Variants in PTPRM observed in about 807,000 individuals in gnomAD.
PTPRM encodes protein tyrosine phosphatase receptor type M, also known as receptor-type tyrosine-protein phosphatase mu.
In PTPRM, 47 loss-of-function variants were observed where a neutral mutation model predicts 186.7. The observed-to-expected ratio is 0.25, with a 90% CI of 0.20 to 0.32. The LOEUF (loss-of-function observed/expected upper bound fraction) is 0.32, where lower values mean the gene tolerates loss of function less well. Ranked by LOEUF, PTPRM falls within the 10% of genes least tolerant of loss-of-function variation. The pLI is 1.00. For missense variants in PTPRM, 1,494 were observed against 1,865.0 expected (o/e 0.80, Z 3.66); for synonymous variants, 668 against 674.9 (o/e 0.99, Z 0.16).
intron 7 of PTPRM, among the ~76,000 whole-genome samples, chr18:8,048,501 A>T (rs2087229783): frequency 6.6e-6 from 1 of 152,004 alleles, no homozygotes; most frequent in South Asian, 2.1e-4. Context: ...GCTTCCCTGG[A>T]AGATTAGCAG....
chr18:7,956,139 G>A (rs549381652), intron 7 of PTPRM, among the ~76,000 whole-genome samples: 1 of 152,264 alleles, frequency 6.6e-6, no homozygotes, highest in South Asian at 2.1e-4. Flanking sequence ...AGTATATTGG[G>A]ATATTTAAGT....
At chr18:7,894,940 C>A (rs992916461) in intron 3 of PTPRM, among the ~76,000 whole-genome samples, 1 of 152,122 alleles carries the variant, frequency 6.6e-6, no homozygotes, top group African/African-American at 2.4e-5. Flanking sequence ...ATACTTCATG[C>A]AGTACTTTAT....
intron 19 of PTPRM, among the ~76,000 whole-genome samples, chr18:8,272,801 T>TA (rs1302367655): frequency 5.9e-5 from 9 of 152,152 alleles, no homozygotes; most frequent in Non-Finnish European, 1.3e-4. Context: ...TTTGTTCACA[T>TA]TTTCTGTATA....
chr18:7,696,272 C>A (rs2039841606), intron 1 of PTPRM, among the ~76,000 whole-genome samples: 1 of 151,956 alleles, frequency 6.6e-6, no homozygotes, highest in African/African-American at 2.4e-5. Flanking sequence ...AATCTTTTTG[C>A]AAATTAGGCC....
At chr18:7,634,123 A>G (rs2038256215) in intron 1 of PTPRM, among the ~76,000 whole-genome samples, 1 of 151,892 alleles carries the variant, frequency 6.6e-6, no homozygotes, top group Admixed American at 6.6e-5. Flanking sequence ...TGCTCCTCAA[A>G]CACTCAAGCA....
intron 7 of PTPRM, among the ~76,000 whole-genome samples, chr18:7,985,302 ATAG>A (rs2082873400): frequency 9.6e-6 from 1 of 103,660 alleles, no homozygotes; most frequent in South Asian, 2.9e-4. Flanking sequence ...TATACATATA[ATAG>A]TATATACACA....
intron 1 of PTPRM, among the ~76,000 whole-genome samples, chr18:7,738,596 C>T (rs35631124): frequency 0.036 from 4,800 of 133,064 alleles, 195 homozygotes; most frequent in African/African-American, 0.1. Flanking sequence ...CCACCACACC[C>T]GGCTATTTTT....
At chr18:8,161,045 T>G (rs143549690) in intron 14 of PTPRM, among the ~76,000 whole-genome samples, 2 of 152,190 alleles carry the variant, frequency 1.3e-5, no homozygotes, top group African/African-American at 4.8e-5. Flanking sequence ...TCTAAAGATA[T>G]GTTCAGCTAT....
At chr18:7,765,736 AT>A (rs1455279812) in intron 1 of PTPRM, among the ~76,000 whole-genome samples, 1 of 152,156 alleles carries the variant, frequency 6.6e-6, no homozygotes, top group African/African-American at 2.4e-5. Context: ...CTGTAGCACT[AT>A]TTTTTGATCT....
At chr18:7,808,259 G>A (rs1452803494) in intron 2 of PTPRM, among the ~76,000 whole-genome samples, 1 of 152,208 alleles carries the variant, frequency 6.6e-6, no homozygotes, top group Non-Finnish European at 1.5e-5. Flanking sequence ...TTAGAGCCAT[G>A]TGATGAAGTG....
intron 2 of PTPRM, among the ~76,000 whole-genome samples, chr18:7,830,538 T>C (rs2045706836): frequency 6.6e-6 from 1 of 152,196 alleles, no homozygotes; most frequent in African/African-American, 2.4e-5. Context: ...ATATATATGG[T>C]CTGTCACATG....
At chr18:8,005,528 C>T (rs749677928) in intron 7 of PTPRM, among the ~76,000 whole-genome samples, 16 of 152,186 alleles carry the variant, frequency 1.1e-4, no homozygotes, top group Non-Finnish European at 1.9e-4. Context: ...GCCCATTTTA[C>T]AGATGGGTAA....
intron 13 of PTPRM, among the ~76,000 whole-genome samples, chr18:8,122,912 C>T (rs1186816567): frequency 2.0e-5 from 3 of 152,186 alleles, no homozygotes; most frequent in Admixed American, 1.3e-4. Flanking sequence ...TTATATAAAT[C>T]ATGCAGTGGC....
rs10653685 is a variant in PTPRM at position 7,700,993 on chromosome 18, A to AAAAAAAG, written c.74-73153_74-73152insAAAGAAA. 6.7e-3 allele frequency among the ~76,000 whole-genome samples: 715 copies of AAAAAAAG among 107,264 alleles called. 53 individuals are homozygous for AAAAAAAG. The East Asian group carries it at 0.081, about 12-fold the overall frequency. 70.4% of individuals were successfully genotyped at this position (107,264 alleles called of 152,430 possible). On this transcript the variant is annotated intron_variant, in intron 1 of 32. Coordinates refer to ENST00000580170, the MANE Select transcript of PTPRM (RefSeq NM_001105244.2). Reference sequence around the variant, plus strand: ...CCTATCTCAAAAAAAAAAAAAAAAAAAAAGAAAGAAAAAGAAAACAAGAAA... The same window carrying AAAAAAAG: ...CCTATCTCAAAAAAAAAAAAAAAAAAAAAAAAGAAAGAAAGAAAAAGAAAACAAGAAA...
At chr18:7,942,321 G>A (rs969621516) in intron 5 of PTPRM, among the ~76,000 whole-genome samples, 2 of 152,014 alleles carry the variant, frequency 1.3e-5, no homozygotes, top group African/African-American at 2.4e-5. Flanking sequence ...AGTTTTACAT[G>A]GCACAGGAGC....
At chr18:8,374,609 T>C (rs2095684199) in intron 24 of PTPRM, among the ~76,000 whole-genome samples, 1 of 152,224 alleles carries the variant, frequency 6.6e-6, no homozygotes, top group East Asian at 1.9e-4. Context: ...AACCACCTAA[T>C]CATACTACTC....
intron 7 of PTPRM, among the ~76,000 whole-genome samples, chr18:8,064,361 T>C (rs1228699394): frequency 7.0e-6 from 1 of 143,290 alleles, no homozygotes; most frequent in South Asian, 2.3e-4. Flanking sequence ...CTTTCCTTCA[T>C]TTATTCTGTA....
At position 8,299,172 on chromosome 18, in the gene PTPRM, C is replaced by T. The variant is rs748838102; in HGVS notation, c.2842+2717C>T. ...TTGGCCCGTGTGGGTATTTGGTGTA[C>T]AGCTGCTTGTCACAGGAACACTGAA... On this transcript the variant is annotated intron_variant, in intron 20 of 32. Coordinates refer to ENST00000580170, the MANE Select transcript of PTPRM (RefSeq NM_001105244.2). 2.3e-4 allele frequency among the ~76,000 whole-genome samples: 35 copies of T among 152,132 alleles called. 1 individual carries two copies. The highest frequency in any genetic ancestry group is 6.3e-4 in the African/African-American group (26 of 41,416).
chr18:8,021,961 A>G (rs2085263055), intron 7 of PTPRM, among the ~76,000 whole-genome samples: 1 of 152,208 alleles, frequency 6.6e-6, no homozygotes, highest in Non-Finnish European at 1.5e-5. Context: ...TATCAGTTTT[A>G]TGAGCACATA....
Sources: allele counts gnomAD v4.1 joint callset (sites outside exome capture counted in the v4.1 genomes callset), GRCh38; gene constraint gnomAD v4.1.1; transcripts MANE v1.5; gene names NCBI Gene and HGNC (gene_info 2026-07-23, HGNC 2026-07-21).